The following SMYD3 variants were observed in gnomAD, a reference collection of about 807,000 sequenced individuals.
The protein encoded by SMYD3 is SET and MYND domain containing 3, also known as histone-lysine N-methyltransferase SMYD3.
Under a neutral mutation model 57.7 loss-of-function variants are expected in SMYD3, and 36 were observed. The ratio of observed to expected loss-of-function variants is 0.62; its 90% confidence interval spans 0.48 to 0.82. The LOEUF (loss-of-function observed/expected upper bound fraction) is 0.82. SMYD3 is among the 40% of genes least tolerant of loss of function. The pLI is 0.00. For missense variants in SMYD3, 515 were observed against 538.8 expected (o/e 0.96, Z 0.44); for synonymous variants, 211 against 195.0 (o/e 1.08, Z -0.68).
intron 5 of SMYD3, among the ~76,000 whole-genome samples, chr1:246,310,566 C>A (rs1048717588): frequency 6.7e-6 from 1 of 150,238 alleles, no homozygotes; most frequent in Admixed American, 6.7e-5. Context: ...CATGTTTAAA[C>A]GAAATTTGCC....
intron 10 of SMYD3, among the ~76,000 whole-genome samples, chr1:245,822,542 T>G (rs1472646946): frequency 1.4e-5 from 2 of 144,850 alleles, no homozygotes; most frequent in African/African-American, 5.5e-5. Context: ...AAACTTAAAG[T>G]ATAATAATAA....
chr1:246,411,530 G>A (rs936788196), intron 1 of SMYD3, among the ~76,000 whole-genome samples: 4 of 152,128 alleles, frequency 2.6e-5, no homozygotes, highest in African/African-American at 9.7e-5. Flanking sequence ...GCACACATAT[G>A]TTTATTGTGG....
chr1:246,082,161 A>G (rs2147843072), intron 5 of SMYD3, among the ~76,000 whole-genome samples: 1 of 152,294 alleles, frequency 6.6e-6, no homozygotes, highest in Non-Finnish European at 1.5e-5. Flanking sequence ...CTCAGGGACC[A>G]GAGCCGCTTT....
intron 10 of SMYD3, among the ~76,000 whole-genome samples, chr1:245,799,261 G>A (rs2047738869): frequency 6.6e-6 from 1 of 152,194 alleles, no homozygotes. Context: ...AGAGAGAGGG[G>A]CCGAGGGGAG....
intron 10 of SMYD3, among the ~76,000 whole-genome samples, chr1:245,848,472 T>G (rs563602990): frequency 6.6e-6 from 1 of 152,050 alleles, no homozygotes; most frequent in Non-Finnish European, 1.5e-5. Flanking sequence ...AGTTGGAGCA[T>G]GTGGTGGTTC....
At chr1:246,172,820 G>C (rs2062365173) in intron 5 of SMYD3, among the ~76,000 whole-genome samples, 2 of 148,314 alleles carry the variant, frequency 1.3e-5, no homozygotes, top group Non-Finnish European at 3.0e-5. Flanking sequence ...CACAGGCCTA[G>C]AACACTCACT....
intron 8 of SMYD3, among the ~76,000 whole-genome samples, chr1:245,913,777 C>A (rs1431680032): frequency 6.6e-6 from 1 of 151,908 alleles, no homozygotes; most frequent in Admixed American, 6.6e-5. Context: ...AACTCAACAG[C>A]AAAAATATCA....
chr1:246,133,010 C>A (rs1178576617), intron 5 of SMYD3, among the ~76,000 whole-genome samples: 2 of 152,036 alleles, frequency 1.3e-5, no homozygotes, highest in Non-Finnish European at 2.9e-5. Flanking sequence ...TGCAGAGAAA[C>A]TGAAACCCTT....
At chr1:245,837,690 G>C (rs750982507) in intron 10 of SMYD3, among the ~76,000 whole-genome samples, 3 of 152,104 alleles carry the variant, frequency 2.0e-5, no homozygotes, top group Non-Finnish European at 4.4e-5. Context: ...TTTAGGTGCC[G>C]GGAGGTCTTT....
chr1:245,924,654 G>GGT (rs1558499827), intron 7 of SMYD3, among the ~76,000 whole-genome samples: 9 of 115,150 alleles, frequency 7.8e-5, no homozygotes, highest in Admixed American at 3.4e-4. Context: ...CTCTATTCCA[G>GGT]CTTTTTTTTT....
chr1:246,142,141 C>T (rs1435942810), intron 5 of SMYD3, among the ~76,000 whole-genome samples: 1 of 152,094 alleles, frequency 6.6e-6, no homozygotes, highest in African/African-American at 2.4e-5. Flanking sequence ...ATTTCAAGAC[C>T]CTCAGTGGGT....
At chr1:246,271,414 G>A (rs1011245336) in intron 5 of SMYD3, among the ~76,000 whole-genome samples, 2 of 152,026 alleles carry the variant, frequency 1.3e-5, no homozygotes, top group Non-Finnish European at 2.9e-5. Context: ...TGTTTTCTAG[G>A]AGTTTTATAG....
chr1:246,051,844 C>CA (rs1373453859), intron 5 of SMYD3, among the ~76,000 whole-genome samples: 2 of 151,986 alleles, frequency 1.3e-5, no homozygotes, highest in Admixed American at 6.6e-5. Flanking sequence ...TGTATGCTTA[C>CA]AAAAAAAGTG....
intron 5 of SMYD3, among the ~76,000 whole-genome samples, chr1:246,178,516 C>G (rs1298879656): frequency 6.6e-6 from 1 of 152,074 alleles, no homozygotes; most frequent in African/African-American, 2.4e-5. Flanking sequence ...AGTATTTTCA[C>G]GCTTGCCACA....
intron 5 of SMYD3, among the ~76,000 whole-genome samples, chr1:245,984,855 G>C (rs1045328065): frequency 6.6e-6 from 1 of 151,980 alleles, no homozygotes; most frequent in African/African-American, 2.4e-5. Flanking sequence ...CTTTCCTTCT[G>C]TACACATGTA....
At chr1:246,363,371 T>G (rs1272194376) in intron 1 of SMYD3, among the ~76,000 whole-genome samples, 1 of 151,872 alleles carries the variant, frequency 6.6e-6, no homozygotes, top group Non-Finnish European at 1.5e-5. Context: ...CCGCCCCTAC[T>G]GGGAAGTGAG....
Position 246,347,395 on chromosome 1 carries a change from C to T in SMYD3, c.228+7636G>A, listed in dbSNP as rs138514393. ...ACTTAGGCATGTCATTTTCAAACTA[C>T]AGAAAATCAAAAGTTTTTTAAAATA... On this transcript the variant is annotated intron_variant, in intron 2 of 11. Coordinates refer to ENST00000490107, the MANE Select transcript of SMYD3 (RefSeq NM_001167740.2). 2.0e-5 allele frequency among the ~76,000 whole-genome samples: 3 copies of T among 152,206 alleles called. No homozygotes were observed. The East Asian group carries it at 5.8e-4, about 29-fold the overall frequency.
In SMYD3 at chr1:246,396,314, C is replaced by T. The variant is rs116110832; in HGVS notation, c.165-41220G>A. On this transcript the variant is annotated intron_variant, in intron 1 of 11. Coordinates refer to ENST00000490107, the MANE Select transcript of SMYD3 (RefSeq NM_001167740.2). ...TACTGTTTGGAAATTTTAGTGTTAG[C>T]TTCTCAGCTAGCTGATTATTCATTA... Among the ~76,000 whole-genome samples, 1,233 of 152,252 alleles carry T rather than the reference C, an allele frequency of 8.1e-3. 15 individuals are homozygous for T. The highest frequency in any genetic ancestry group is 0.027 in the African/African-American group (1,141 of 41,544).
At chr1:245,837,222 A>G (rs1241580818) in intron 10 of SMYD3, among the ~76,000 whole-genome samples, 1 of 148,350 alleles carries the variant, frequency 6.7e-6, no homozygotes, top group Non-Finnish European at 1.5e-5. Context: ...TACTTGACAG[A>G]GTGAGCCTCT....
Sources: gnomAD v4.1 joint callset for allele counts (sites outside exome capture counted in the v4.1 genomes callset) on GRCh38, gnomAD v4.1.1 for gene constraint, MANE v1.5 for transcripts, NCBI Gene and HGNC (gene_info 2026-07-23, HGNC 2026-07-21) for gene names.